Variants in EHD3 observed in about 807,000 individuals in gnomAD.
EHD3 encodes the protein EH domain containing 3, also known as EH domain-containing protein 3.
Under a neutral mutation model 43.0 loss-of-function variants are expected in EHD3, and 17 were observed. The observed-to-expected ratio is 0.40, with a 90% CI of 0.27 to 0.59. EHD3 has a LOEUF of 0.59. Ranked by LOEUF, EHD3 falls within the 20% of genes least tolerant of loss-of-function variation. The pLI is 0.49. For missense variants in EHD3, 594 were observed against 705.6 expected, an observed-to-expected ratio of 0.84 and a Z score of 1.79; for synonymous variants, 313 against 289.5, an observed-to-expected ratio of 1.08 and a Z score of -0.82.
intron 1 of EHD3, among the ~76,000 whole-genome samples, chr2:31,239,965 T>C (rs1415212789): frequency 6.6e-6 from 1 of 152,186 alleles, no homozygotes; most frequent in Non-Finnish European, 1.5e-5. Flanking sequence ...TGCCGGGTAG[T>C]GCCCTGGGCG....
At chr2:31,239,651 G>T (rs574813301) in intron 1 of EHD3, among the ~76,000 whole-genome samples, 1 of 152,282 alleles carries the variant, frequency 6.6e-6, no homozygotes, top group South Asian at 2.1e-4. Context: ...GGTTAGGAAG[G>T]TCTGACAGAG....
At chr2:31,236,761 G>A (rs1683331895) in intron 1 of EHD3, among the ~76,000 whole-genome samples, 1 of 152,188 alleles carries the variant, frequency 6.6e-6, no homozygotes, top group Admixed American at 6.5e-5. Flanking sequence ...CTTGCCCAGG[G>A]TCTCGGCTAT....
At position 31,234,484 on chromosome 2, in the gene EHD3, G is replaced by A; in HGVS notation, c.-138G>A. Reference sequence around the variant, plus strand: ...CCGGCCCTCCTAGCCGCGTGCCCGGGCCATGGTGCGGCTGAGCCCCGCGCT... The same window carrying A: ...CCGGCCCTCCTAGCCGCGTGCCCGGACCATGGTGCGGCTGAGCCCCGCGCT... On this transcript the variant is annotated 5_prime_UTR_variant, in exon 1 of 6. Coordinates refer to ENST00000322054, the MANE Select transcript of EHD3 (RefSeq NM_014600.3). 1 of 946,942 alleles carries A rather than the reference G, an allele frequency of 1.1e-6. No homozygotes were observed. The highest frequency in any genetic ancestry group is 1.6e-6 in the Non-Finnish European group (1 of 642,122). 58.7% of individuals were successfully genotyped at this position (946,942 alleles called of 1,614,324 possible).
chr2:31,243,581 C>G (rs1014798649), intron 1 of EHD3, among the ~76,000 whole-genome samples: 1 of 151,242 alleles, frequency 6.6e-6, no homozygotes, highest in Non-Finnish European at 1.5e-5. Flanking sequence ...CTCAGCCTCC[C>G]TAGTAGCTGG....
chr2:31,245,382 C>A (rs1683496755), intron 2 of EHD3, among the ~76,000 whole-genome samples: 1 of 151,724 alleles, frequency 6.6e-6, no homozygotes, highest in Non-Finnish European at 1.5e-5. Flanking sequence ...TAGTAACCAA[C>A]AGGTTAGTTA....
chr2:31,258,398 G>A (rs1197563143), intron 3 of EHD3, among the ~76,000 whole-genome samples: 4 of 152,090 alleles, frequency 2.6e-5, no homozygotes, highest in African/African-American at 9.7e-5. Context: ...GATGCCACAG[G>A]GTGGGGGAAA....
Position 31,260,228 on chromosome 2 carries a change from A to G in EHD3, c.503-282A>G, listed in dbSNP as rs374406736. 6.6e-6 allele frequency among the ~76,000 whole-genome samples: 1 copy of G among 152,192 alleles called. No homozygotes were observed. The highest frequency in any genetic ancestry group is 1.5e-5 in the Non-Finnish European group (1 of 68,028). ...AAAAAAAAGTAACTAGCATTTACTG[A>G]GCACCTACTAAGTGCCGGATTCTAA... On this transcript the variant is annotated intron_variant, in intron 3 of 5. Coordinates refer to ENST00000322054, the MANE Select transcript of EHD3 (RefSeq NM_014600.3). The surrounding 1 kb of genome is among the most constrained non-coding windows in gnomAD (Gnocchi z 4.6).
chr2:31,256,707 T>A (rs1488624059), intron 3 of EHD3, among the ~76,000 whole-genome samples: 1 of 152,206 alleles, frequency 6.6e-6, no homozygotes, highest in African/African-American at 2.4e-5. Context: ...GACACAGCCT[T>A]CTCTTACATC....
intron 3 of EHD3, among the ~76,000 whole-genome samples, chr2:31,254,738 G>A (rs951852903): frequency 2.0e-5 from 3 of 152,198 alleles, no homozygotes; most frequent in Non-Finnish European, 4.4e-5. Context: ...TATAGAAAGA[G>A]AATGTGGGCT....
rs67643147 is a variant in EHD3, at chr2:31,266,761, TACACACACACACACACACAC to T, written c.*71_*90del. The stretch of plus-strand genomic sequence containing the variant: ...TAGAGGAGGAGATGGGAGCGGTGAC[TACACACACACACACACACAC>T]ACACACACACACAAACATGCACACA... On this transcript the variant is annotated 3_prime_UTR_variant, in exon 6 of 6. Transcript: ENST00000322054. The surrounding 1 kb of genome is among the most constrained non-coding windows in gnomAD (Gnocchi z 5.1). 56 of 1,179,154 alleles carry T rather than the reference TACACACACACACACACACAC, an allele frequency of 4.7e-5. 1 individual carries two copies. In the African/African-American group the frequency reaches 7.2e-4, roughly 15 times the overall value. 73.0% of individuals were successfully genotyped at this position (1,179,154 alleles called of 1,614,324 possible).
At position 31,266,717 on chromosome 2, in the gene EHD3, A is replaced by G. The variant is rs200698516; in HGVS notation, c.*13A>G. On this transcript the variant is annotated 3_prime_UTR_variant, in exon 6 of 6. Transcript: ENST00000322054. This position sits in a 1 kb window ranked among gnomAD's most constrained non-coding sequence, Gnocchi z 5.1. ...AGTTGCCGAGTGATGGGGTGGGGGG[A>G]CATTCAGACGGGCAGTGTTAGAGGA... 476 of 1,581,482 alleles carry G rather than the reference A, an allele frequency of 3.0e-4. 2 individuals carry two copies. In the African/African-American group the frequency reaches 5.9e-3, roughly 20 times the overall value.
At chr2:31,259,908 G>A (rs1019757895) in intron 3 of EHD3, among the ~76,000 whole-genome samples, 4 of 152,154 alleles carry the variant, frequency 2.6e-5, no homozygotes, top group African/African-American at 7.2e-5. Context: ...ACTAGGCCAG[G>A]CGCAGTGGCT....
rs768570176 is a variant in EHD3, at chr2:31,266,454, A to G, written c.1358A>G (p.Tyr453Cys). 6.2e-7 allele frequency: 1 copy of G among 1,614,130 alleles called. No individual in the cohort carries two copies. Among genetic ancestry groups the G allele is most frequent in the Non-Finnish European group, 8.5e-7 (1 of 1,180,022 alleles). The change falls in exon 6 of 6, where the codon TAC becomes TGC. Residue 453 changes from tyrosine to cysteine, a missense_variant. Physicochemically the swap from Tyr to Cys is radical, Grantham distance 194. Around this residue, in one of 3 missense-constraint regions of EHD3, gnomAD observed 322 missense variants for 348.0 expected, o/e 0.93. Coordinates refer to ENST00000322054, the MANE Select transcript of EHD3 (RefSeq NM_014600.3). This position sits in a 1 kb window ranked among gnomAD's most constrained non-coding sequence, Gnocchi z 5.1. ...AAGCCCATGTACGACGAGATCTTCTACACCCTGTCACCGGTGGATGGCAAG... is the reference window on the plus strand; with the variant it reads ...AAGCCCATGTACGACGAGATCTTCTGCACCCTGTCACCGGTGGATGGCAAG... ...RDKPMYDEIF[Y>C]TLSPVDGKIT...
chr2:31,253,008 T>G (rs571712442), intron 3 of EHD3, among the ~76,000 whole-genome samples: 62 of 152,124 alleles, frequency 4.1e-4, no homozygotes, highest in Non-Finnish European at 8.5e-4. Context: ...ACACCCTCAG[T>G]TATCTGTGGT....
rs1235276274 is a variant in EHD3 at position 31,266,129 on chromosome 2, T to C, written c.1081-48T>C. 2 of 1,552,354 alleles carry C rather than the reference T, an allele frequency of 1.3e-6. No homozygotes were observed. Among genetic ancestry groups the C allele is most frequent in the Non-Finnish European group, 1.7e-6 (2 of 1,146,228 alleles). ...AGGAGGCACGTGATAAATGGAGGGC[T>C]CTCCTTTCATCGTATCCTATCTTCA... On this transcript the variant is annotated intron_variant, in intron 5 of 5. Coordinates refer to ENST00000322054, the MANE Select transcript of EHD3 (RefSeq NM_014600.3). The surrounding 1 kb of genome is among the most constrained non-coding windows in gnomAD (Gnocchi z 5.1).
intron 3 of EHD3, among the ~76,000 whole-genome samples, chr2:31,251,438 G>T: frequency 6.6e-6 from 1 of 152,146 alleles, no homozygotes; most frequent in Middle Eastern, 3.2e-3. Flanking sequence ...GGGAGGGAGT[G>T]GGGAGGCTGA....
chr2:31,266,680 G>A lies in EHD3; in HGVS notation c.1584G>A (p.Pro528=), dbSNP rs145305384. 1.2e-4 allele frequency: 185 copies of A among 1,607,036 alleles called. No individual in the cohort carries two copies. The African/African-American group carries it at 1.3e-3, about 11-fold the overall frequency. The change falls in exon 6 of 6, where the codon CCG becomes CCA. Residue 528 remains proline (P), a synonymous_variant. Transcript: ENST00000322054. This position sits in a 1 kb window ranked among gnomAD's most constrained non-coding sequence, Gnocchi z 5.1. ...PNELPAHLLP[P]SKRKVAE is the part of the protein sequence containing the mutation. ...AGCTGCCTGCCCACCTCCTGCCCCC[G>A]TCCAAGAGGAAAGTTGCCGAGTGAT...
chr2:31,265,747 T>G (rs1683936823), intron 5 of EHD3, among the ~76,000 whole-genome samples: 1 of 152,116 alleles, frequency 6.6e-6, no homozygotes, highest in African/African-American at 2.4e-5. Flanking sequence ...TCAAGTACAG[T>G]ATAACCCTTA....
chr2:31,265,456 C>G (rs950702556), intron 5 of EHD3, among the ~76,000 whole-genome samples: 1 of 152,184 alleles, frequency 6.6e-6, no homozygotes, highest in Non-Finnish European at 1.5e-5. Flanking sequence ...TCTTCTGGGA[C>G]CCTCGTCATA....
Sources: gnomAD v4.1 joint callset for allele counts (sites outside exome capture counted in the v4.1 genomes callset) on GRCh38, gnomAD v4.1.1 for gene constraint, gnomAD v4.1.1 regional missense constraint, Gnocchi (gnomAD v3.1) non-coding constraint, MANE v1.5 for transcripts, NCBI Gene and HGNC (gene_info 2026-07-23, HGNC 2026-07-21) for gene names.